STEAP1B: variants seen among roughly 807,000 people sequenced by gnomAD.
STEAP1B encodes the protein STEAP family protein MGC87042.
STEAP1B carries 13 observed loss-of-function variants against 27.9 expected under a neutral mutation model. The ratio of observed to expected loss-of-function variants is 0.47; its 90% CI spans 0.30 to 0.74. The LOEUF is 0.74. Among genes scored for constraint, STEAP1B ranks in the 30% least tolerant of loss-of-function variants. The pLI, the probability that STEAP1B is intolerant of heterozygous loss-of-function variation, is 0.06. For synonymous variants in STEAP1B, 86 were observed against 107.1 expected, an observed-to-expected ratio of 0.80 and a Z score of 1.22; for missense variants, 250 against 298.7, an observed-to-expected ratio of 0.84 and a Z score of 1.20.
chr7:22,445,377 G>C (rs973410184), intron 4 of STEAP1B, among the ~76,000 whole-genome samples: 2 of 152,248 alleles, frequency 1.3e-5, no homozygotes, highest in Admixed American at 1.3e-4. Flanking sequence ...CTTCAGGGAG[G>C]ACAGCTGGGC....
At chr7:22,441,364 C>T (rs77250795) in intron 4 of STEAP1B, among the ~76,000 whole-genome samples, 5,390 of 152,218 alleles carry the variant, frequency 0.035, 313 homozygotes, top group African/African-American at 0.12. Context: ...CTTCAGTTGC[C>T]CTTACCATGC....
chr7:22,439,415 G>A (rs754010764), intron 4 of STEAP1B, among the ~76,000 whole-genome samples: 1 of 152,036 alleles, frequency 6.6e-6, no homozygotes, highest in Non-Finnish European at 1.5e-5. Flanking sequence ...CAGATTATCA[G>A]CTAGTTCCAA....
At chr7:22,498,491 G>T (rs1228171944) in intron 1 of STEAP1B, among the ~76,000 whole-genome samples, 6 of 152,224 alleles carry the variant, frequency 3.9e-5, no homozygotes, top group Admixed American at 6.5e-5. Flanking sequence ...TTTGAGAGGT[G>T]CAGGATGGTA....
At chr7:22,438,767 A>G in intron 4 of STEAP1B, 1 of 1,543,202 alleles carries the variant, frequency 6.5e-7, no homozygotes, top group Non-Finnish European at 8.7e-7. Context: ...TAGAAAATGA[A>G]AAGAAATGAT....
chr7:22,461,874 C>T (rs566232526), intron 4 of STEAP1B, among the ~76,000 whole-genome samples: 2 of 152,248 alleles, frequency 1.3e-5, no homozygotes, highest in East Asian at 1.9e-4. Context: ...AGTTTTCTCA[C>T]GTATAAAATG....
intron 4 of STEAP1B, among the ~76,000 whole-genome samples, chr7:22,454,845 A>ATGTG (rs1379607622): frequency 5.4e-5 from 5 of 93,074 alleles, no homozygotes; most frequent in Non-Finnish European, 8.2e-5. Flanking sequence ...ATATATATAT[A>ATGTG]TATGTATATA....
At chr7:22,437,727 TAA>T (rs910715342) in intron 4 of STEAP1B, among the ~76,000 whole-genome samples, 1 of 152,238 alleles carries the variant, frequency 6.6e-6, no homozygotes, top group Non-Finnish European at 1.5e-5. Context: ...ATCAACAGTG[TAA>T]AAGGTTTTTC....
intron 4 of STEAP1B, among the ~76,000 whole-genome samples, chr7:22,458,209 A>C (rs1328786808): frequency 6.6e-6 from 1 of 152,232 alleles, no homozygotes; most frequent in Non-Finnish European, 1.5e-5. Flanking sequence ...AAAATCACAG[A>C]GGAAAAAATG....
intron 4 of STEAP1B, chr7:22,438,289 T>C (rs894189135): frequency 3.4e-6 from 2 of 585,368 alleles, no homozygotes; most frequent in South Asian, 4.2e-5. Context: ...TTCCAGTATA[T>C]GCTTGGTGTC....
chr7:22,465,817 G>T (rs1045347580), intron 4 of STEAP1B, among the ~76,000 whole-genome samples: 7 of 152,184 alleles, frequency 4.6e-5, no homozygotes, highest in Non-Finnish European at 5.9e-5. Flanking sequence ...TGACAGGCTG[G>T]ATGAGATAAC....
intron 4 of STEAP1B, among the ~76,000 whole-genome samples, chr7:22,431,441 T>G (rs1489555523): frequency 6.6e-6 from 1 of 152,202 alleles, no homozygotes; most frequent in South Asian, 2.1e-4. Flanking sequence ...TTGGTCTGAA[T>G]TGGGTTGTGT....
At position 22,492,753 on chromosome 7, in the gene STEAP1B, G is replaced by A. The variant is rs561638121; in HGVS notation, c.598-24C>T. The A allele has an allele frequency of 7.6e-4, 1,200 of 1,573,022 alleles. 6 individuals are homozygous for A. The African/African-American group carries it at 0.015, about 20-fold the overall frequency. On this transcript the variant is annotated intron_variant, in intron 3 of 4. Transcript: ENST00000678116. ...ACCTACCAGAAGGTAAATAAAGAAA[G>A]AAGAAATGCAAACAACAGTTATTTC...
chr7:22,451,592 T>C (rs1412485157), intron 4 of STEAP1B, among the ~76,000 whole-genome samples: 1 of 152,216 alleles, frequency 6.6e-6, no homozygotes, highest in African/African-American at 2.4e-5. Context: ...TTGAGGACTT[T>C]TATCGTGAAG....
At chr7:22,448,464 G>A (rs922579103) in intron 4 of STEAP1B, among the ~76,000 whole-genome samples, 2 of 151,718 alleles carry the variant, frequency 1.3e-5, no homozygotes, top group Non-Finnish European at 2.9e-5. Context: ...GGGACCTCAC[G>A]CTTAAAAATA....
chr7:22,419,663 T>G lies in STEAP1B; in HGVS notation c.*141A>C. On this transcript the variant is annotated 3_prime_UTR_variant, in exon 5 of 5. Transcript: ENST00000678116. ...ACTCATCTGCCCTGCCGGATCCATG[T>G]TGACAGAGCAGCCGTCACCTGCAGC... is the stretch of plus-strand genomic sequence containing the variant. 1 of 933,428 alleles carries G rather than the reference T, an allele frequency of 1.1e-6. No homozygotes were observed. 57.8% of individuals were successfully genotyped at this position (933,428 alleles called of 1,614,324 possible).
intron 4 of STEAP1B, among the ~76,000 whole-genome samples, chr7:22,428,421 T>A (rs903689388): frequency 1.3e-5 from 2 of 151,954 alleles, no homozygotes; most frequent in Admixed American, 1.3e-4. Context: ...AAAGAAAGCA[T>A]CAGTAAGCTC....
At chr7:22,437,428 G>A (rs983274597) in intron 4 of STEAP1B, among the ~76,000 whole-genome samples, 1 of 152,182 alleles carries the variant, frequency 6.6e-6, no homozygotes, top group African/African-American at 2.4e-5. Flanking sequence ...CACATATGGC[G>A]GGATTTCCTT....
chr7:22,430,477 G>T (rs1785169049), intron 4 of STEAP1B, among the ~76,000 whole-genome samples: 1 of 152,214 alleles, frequency 6.6e-6, no homozygotes, highest in South Asian at 2.1e-4. Context: ...AGTTGTCAAA[G>T]AATATCTTGT....
chr7:22,471,923 T>G (rs1785892948), intron 4 of STEAP1B, among the ~76,000 whole-genome samples: 1 of 150,246 alleles, frequency 6.7e-6, no homozygotes, highest in South Asian at 2.1e-4. Flanking sequence ...AAAAAAGTTT[T>G]CATATTGCTA....
Sources: gnomAD v4.1 joint callset for allele counts (sites outside exome capture counted in the v4.1 genomes callset) on GRCh38, gnomAD v4.1.1 for gene constraint, MANE v1.5 for transcripts, NCBI Gene and HGNC (gene_info 2026-07-23, HGNC 2026-07-21) for gene names.